MTUS2: variants seen among roughly 807,000 people sequenced by gnomAD.
The protein encoded by MTUS2 is microtubule-associated tumor suppressor candidate 2.
MTUS2 carries 40 observed loss-of-function variants against 114.1 expected under a neutral mutation model. That is an observed-to-expected ratio of 0.35 (90% CI 0.27 to 0.46). The LOEUF is 0.46. MTUS2 is among the 20% of genes least tolerant of loss of function. MTUS2 has a pLI of 1.00. For synonymous variants in MTUS2, 688 were observed against 672.0 expected, an observed-to-expected ratio of 1.02 and a Z score of -0.37; for missense variants, 1,679 against 1,705.4, an observed-to-expected ratio of 0.98 and a Z score of 0.27.
intron 9 of MTUS2, among the ~76,000 whole-genome samples, chr13:29,468,417 A>G (rs1031808875): frequency 1.3e-5 from 2 of 151,974 alleles, no homozygotes. Flanking sequence ...TGTCTCTACT[A>G]AAAATACAAA....
chr13:29,328,374 G>T (rs182147057), intron 7 of MTUS2, among the ~76,000 whole-genome samples: 142 of 152,356 alleles, frequency 9.3e-4, no homozygotes, highest in Non-Finnish European at 1.3e-3. Flanking sequence ...GACATGAATT[G>T]CAGGAAAATC....
intron 6 of MTUS2, among the ~76,000 whole-genome samples, chr13:29,289,903 G>A (rs1046139496): frequency 5.9e-5 from 9 of 152,148 alleles, no homozygotes; most frequent in African/African-American, 2.2e-4. Context: ...GTACTCTCCA[G>A]AATTGGTGTT....
intron 5 of MTUS2, among the ~76,000 whole-genome samples, chr13:29,128,523 G>A (rs1891616032): frequency 1.3e-5 from 2 of 152,164 alleles, no homozygotes; most frequent in Admixed American, 1.3e-4. Flanking sequence ...TCAATAACAT[G>A]ATTTTGAAAA....
At chr13:29,042,418 T>C (rs1593413412) in intron 4 of MTUS2, among the ~76,000 whole-genome samples, 1 of 152,274 alleles carries the variant, frequency 6.6e-6, no homozygotes. Flanking sequence ...GAGATTGGTC[T>C]GTAATGTTTC....
intron 6 of MTUS2, among the ~76,000 whole-genome samples, chr13:29,299,895 C>A (rs1230217617): frequency 6.6e-6 from 1 of 151,834 alleles, no homozygotes; most frequent in Non-Finnish European, 1.5e-5. Context: ...AAATTCACAG[C>A]AGTTTAATTA....
At position 29,291,274 on chromosome 13, in the gene MTUS2, A is replaced by G. The variant is rs527863419; in HGVS notation, c.2806+9409A>G. ...CCTGTGGTCTCCTCCTCCAGGGCCC[A>G]CAGTGAGGGGCAGCCCCAGCCACTG... On this transcript the variant is annotated intron_variant, in intron 6 of 15. Coordinates refer to ENST00000612955, the MANE Select transcript of MTUS2 (RefSeq NM_001033602.4). Among the ~76,000 whole-genome samples, 377 of 152,310 alleles carry G rather than the reference A, an allele frequency of 2.5e-3. 2 individuals carry two copies. The highest frequency in any genetic ancestry group is 8.5e-3 in the African/African-American group (355 of 41,562).
rs186462070 is a variant in MTUS2, at chr13:29,250,105, T to A, written c.2645-31599T>A. On this transcript the variant is annotated intron_variant, in intron 5 of 15. Transcript: ENST00000612955. ...AGTTAAAACAAGTTTAAATAAAGTC[T>A]AAATTCTTTCTTAAAAAATAATAAA... 2.2e-3 allele frequency among the ~76,000 whole-genome samples: 337 copies of A among 152,118 alleles called. 1 individual carries two copies. Among genetic ancestry groups the A allele is most frequent in the Non-Finnish European group, 3.9e-3 (267 of 68,028 alleles).
chr13:29,249,878 G>C (rs1434542515), intron 5 of MTUS2, among the ~76,000 whole-genome samples: 1 of 152,118 alleles, frequency 6.6e-6, no homozygotes, highest in East Asian at 1.9e-4. Flanking sequence ...ATTAACTCAA[G>C]ATGGATTAAA....
chr13:28,907,938 A>G (rs1265330481), intron 2 of MTUS2, among the ~76,000 whole-genome samples: 1 of 151,336 alleles, frequency 6.6e-6, no homozygotes, highest in Non-Finnish European at 1.5e-5. Flanking sequence ...AGTAATCTGA[A>G]TTGTGTTTCC....
chr13:29,486,778 G>A (rs1473582747), intron 10 of MTUS2, among the ~76,000 whole-genome samples: 1 of 152,108 alleles, frequency 6.6e-6, no homozygotes, highest in Non-Finnish European at 1.5e-5. Context: ...GTTGTGTGTG[G>A]GTGTGTGCAC....
intron 2 of MTUS2, among the ~76,000 whole-genome samples, chr13:28,914,728 T>C (rs751812632): frequency 6.0e-4 from 91 of 152,140 alleles, no homozygotes; most frequent in Non-Finnish European, 1.1e-3. Flanking sequence ...AGTCTCCTTG[T>C]AGGTCTCTAA....
At chr13:29,375,525 A>ATAT (rs1871539156) in intron 8 of MTUS2, among the ~76,000 whole-genome samples, 2 of 36,946 alleles carry the variant, frequency 5.4e-5, no homozygotes, top group African/African-American at 1.7e-4. Flanking sequence ...CTATATATAT[A>ATAT]TATATATATA....
chr13:29,288,184 T>G (rs1433725405), intron 6 of MTUS2, among the ~76,000 whole-genome samples: 1 of 152,186 alleles, frequency 6.6e-6, no homozygotes, highest in African/African-American at 2.4e-5. Flanking sequence ...AAGTTTTAAG[T>G]TGGAGATTTC....
intron 5 of MTUS2, among the ~76,000 whole-genome samples, chr13:29,222,551 C>T (rs1433232959): frequency 1.3e-5 from 2 of 152,230 alleles, no homozygotes; most frequent in South Asian, 4.1e-4. Flanking sequence ...GGTGGCCTGT[C>T]TGGAGCAGAC....
chr13:29,215,477 T>G (rs1415320674), intron 5 of MTUS2, among the ~76,000 whole-genome samples: 13 of 4,802 alleles, frequency 2.7e-3, no homozygotes, highest in Admixed American at 0.012. Context: ...TTTTGCTGTT[T>G]TTTTTTTTTT....
chr13:29,364,055 T>C (rs1473248956), intron 8 of MTUS2, among the ~76,000 whole-genome samples: 1 of 152,310 alleles, frequency 6.6e-6, no homozygotes, highest in South Asian at 2.1e-4. Context: ...TTTTCCACTA[T>C]ATTATGATGC....
chr13:29,274,720 TGA>T (rs1215182137), intron 5 of MTUS2, among the ~76,000 whole-genome samples: 1 of 152,110 alleles, frequency 6.6e-6, no homozygotes, highest in Non-Finnish European at 1.5e-5. Context: ...GGCTTTTTAT[TGA>T]GTTTATAAAA....
chr13:29,133,508 C>G (rs1349890602), intron 5 of MTUS2, among the ~76,000 whole-genome samples: 1 of 152,094 alleles, frequency 6.6e-6, no homozygotes, highest in Non-Finnish European at 1.5e-5. Context: ...ATGTTTGATC[C>G]ATTTTGAATT....
At chr13:29,052,459 C>CAAA (rs11325314) in intron 4 of MTUS2, among the ~76,000 whole-genome samples, 4 of 94,834 alleles carry the variant, frequency 4.2e-5, no homozygotes, top group Admixed American at 1.1e-4. Flanking sequence ...CTAGCCTGAG[C>CAAA]AAAAAAAAAA....
Sources: allele counts gnomAD v4.1 joint callset (sites outside exome capture counted in the v4.1 genomes callset), GRCh38; gene constraint gnomAD v4.1.1; transcripts MANE v1.5; gene names NCBI Gene and HGNC (gene_info 2026-07-23, HGNC 2026-07-21).